Variants in PLD3 observed in about 807,000 individuals in gnomAD.
PLD3 encodes the protein 5'-3' exonuclease PLD3.
A neutral mutation model predicts 58.4 loss-of-function variants in PLD3; 31 were observed. That is an observed-to-expected ratio of 0.53 (90% confidence interval 0.40 to 0.72). The LOEUF (loss-of-function observed/expected upper bound fraction) is 0.72. PLD3 is among the 30% of genes least tolerant of loss of function. The pLI, the probability that PLD3 is intolerant of heterozygous loss-of-function variation, is 0.00. For missense variants in PLD3, 595 were observed against 659.8 expected (o/e 0.90, Z 1.08); for synonymous variants, 264 against 273.4 (o/e 0.97, Z 0.34).
At position 40,378,284 on chromosome 19, in the gene PLD3, C is replaced by T. The variant is rs776382708; in HGVS notation, c.*111C>T. The T allele has an allele frequency of 1.3e-5, 13 of 987,492 alleles. No homozygotes were observed. In the East Asian group the frequency reaches 2.4e-4, roughly 18 times the overall value. The allele number at this position is 987,492 out of a possible 1,614,324, so 61.2% of individuals were successfully genotyped here. A position where few individuals can be genotyped will look rare whatever the true frequency, so the allele number is the denominator to read the frequency against. On this transcript the variant is annotated 3_prime_UTR_variant, in exon 13 of 13. Coordinates refer to ENST00000409735, the MANE Select transcript of PLD3 (RefSeq NM_012268.4). ...GCTTCTGTCTGCCCCATTGTGGCTC[C>T]TCAGGCTCTCTCCCCTGCTCTCCCA...
At chr19:40,357,137 A>G (rs1456268005) in intron 1 of PLD3, 2 of 152,240 alleles carry the variant, frequency 1.3e-5, no homozygotes, top group Non-Finnish European at 2.9e-5. Flanking sequence ...CAAAGAGGTC[A>G]GAAACAATTG....
intron 1 of PLD3, among the ~76,000 whole-genome samples, chr19:40,349,174 C>T (rs1195634391): frequency 6.6e-6 from 1 of 151,998 alleles, no homozygotes; most frequent in Non-Finnish European, 1.5e-5. Context: ...TTTATAAAAT[C>T]CTCATTTCTC....
At chr19:40,367,489 G>T in intron 5 of PLD3, 1 of 500,494 alleles carries the variant, frequency 2.0e-6, no homozygotes, top group South Asian at 3.4e-5. Flanking sequence ...GTTGAGGCGG[G>T]AGGATCGCTT....
chr19:40,374,350 CTCT>C (rs1220076457), intron 9 of PLD3, 128 bp from the exon 10 acceptor site: 1 of 929,532 alleles, frequency 1.1e-6, no homozygotes, highest in Admixed American at 2.2e-5. Context: ...GTGATTGACC[CTCT>C]TCTTCATGGA....
chr19:40,373,351 C>T (rs143302023), intron 9 of PLD3, among the ~76,000 whole-genome samples: 23 of 151,176 alleles, frequency 1.5e-4, no homozygotes, highest in East Asian at 4.0e-4. Context: ...CCAGGATGGG[C>T]GGATCACTTG....
At chr19:40,349,031 CTTG>C (rs1191525025) in intron 1 of PLD3, among the ~76,000 whole-genome samples, 2 of 152,036 alleles carry the variant, frequency 1.3e-5, no homozygotes, top group Non-Finnish European at 2.9e-5. Flanking sequence ...CACAACTCCT[CTTG>C]TTGTCATCAA....
In PLD3 at chr19:40,376,638, G is replaced by A. The variant is rs372475431; in HGVS notation, c.1049G>A (p.Arg350Gln). The change falls in exon 11 of 13, where the codon CGG becomes CAG. Residue 350 changes from arginine (R) to glutamine (Q), a missense_variant. Coordinates refer to ENST00000409735, the MANE Select transcript of PLD3 (RefSeq NM_012268.4). Reference sequence around the variant, plus strand: ...TGGCCTGCCATTGACGATGGGCTGCGGCGGGCCACCTACGAGCGTGGCGTC... The same window carrying A: ...TGGCCTGCCATTGACGATGGGCTGCAGCGGGCCACCTACGAGCGTGGCGTC... ...RFWPAIDDGLRRATYERGVKV... is the reference protein window; with the variant it reads ...RFWPAIDDGLQRATYERGVKV... 1.1e-5 allele frequency: 17 copies of A among 1,608,854 alleles called. No homozygotes were observed. The highest frequency in any genetic ancestry group is 2.2e-5 in the East Asian group (1 of 44,890).
chr19:40,351,058 C>T (rs911701123), intron 1 of PLD3, among the ~76,000 whole-genome samples: 2 of 151,050 alleles, frequency 1.3e-5, no homozygotes, highest in Non-Finnish European at 3.0e-5. Flanking sequence ...GGCAACATAG[C>T]GAAACCCCAT....
chr19:40,378,402 G>T lies in PLD3; in HGVS notation c.*229G>T. On this transcript the variant is annotated 3_prime_UTR_variant, in exon 13 of 13. Coordinates refer to ENST00000409735, the MANE Select transcript of PLD3 (RefSeq NM_012268.4). Reference sequence around the variant, plus strand: ...AGCCCCCAAAGAAATGGGGGTGCATGCTGGGCCTGGCCCCCTGGCCCACCC... The same window carrying T: ...AGCCCCCAAAGAAATGGGGGTGCATTCTGGGCCTGGCCCCCTGGCCCACCC... 1.6e-6 allele frequency: 1 copy of T among 634,758 alleles called. No individual in the cohort carries two copies. The highest frequency in any genetic ancestry group is 2.8e-6 in the Non-Finnish European group (1 of 352,714). The allele number at this position is 634,758 out of a possible 1,614,324, so 39.3% of individuals were successfully genotyped here. A position where few individuals can be genotyped will look rare whatever the true frequency, so the allele number is the denominator to read the frequency against.
At position 40,376,742 on chromosome 19, in the gene PLD3, C is replaced by T. The variant is rs779078432; in HGVS notation, c.1153C>T (p.Arg385Cys). 8.1e-6 allele frequency: 13 copies of T among 1,600,740 alleles called. No homozygotes were observed. Among genetic ancestry groups the T allele is most frequent in the Admixed American group, 5.0e-5 (3 of 59,992 alleles). The change falls in exon 11 of 13, where the codon CGT becomes TGT. Residue 385 changes from arginine to cysteine, a missense_variant. Arg to Cys is a radical substitution (Grantham distance 180, BLOSUM62 -3). Transcript: ENST00000409735. ...CTTCCTGCTCTCTCTGGCTGCCCTGCGTGACAACCATACCCACTCTGACAT... is the reference window on the plus strand; with the variant it reads ...CTTCCTGCTCTCTCTGGCTGCCCTGTGTGACAACCATACCCACTCTGACAT... ...RAFLLSLAAL[R>C]DNHTHSDIQV...
intron 10 of PLD3, among the ~76,000 whole-genome samples, chr19:40,375,537 C>G (rs537429800): frequency 6.6e-6 from 1 of 151,056 alleles, no homozygotes. Context: ...GTAGTCCCAG[C>G]TACTTGGGAG....
intron 1 of PLD3, among the ~76,000 whole-genome samples, chr19:40,351,235 C>CA (rs1466679007): frequency 1.7e-5 from 2 of 118,038 alleles, no homozygotes; most frequent in African/African-American, 2.6e-5. Context: ...TGTCTCAAAA[C>CA]AAAAAAACAA....
At chr19:40,360,420 T>C (rs981647251) in intron 1 of PLD3, 1 of 151,642 alleles carries the variant, frequency 6.6e-6, no homozygotes. Flanking sequence ...CGGGCTGCTG[T>C]AACAAATTGC....
chr19:40,371,757 G>A lies in PLD3; in HGVS notation c.763G>A (p.Gly255Ser), dbSNP rs768435608. The A allele has an allele frequency of 1.2e-6, 2 of 1,613,952 alleles. No individual in the cohort carries two copies. Among genetic ancestry groups the A allele is most frequent in the Non-Finnish European group, 1.7e-6 (2 of 1,179,948 alleles). Residue 255 changes from glycine to serine, a missense_variant, in exon 9 of 13, where the codon GGC becomes AGC. Transcript: ENST00000409735. ...TKIFEAYWFL[G>S]QAGSSIPSTW... ...GATCTTTGAGGCCTACTGGTTCCTG[G>A]GCCAGGCAGGCAGCTCCATCCCATC...
At chr19:40,363,814 G>A (rs1020515395) in intron 1 of PLD3, among the ~76,000 whole-genome samples, 1 of 152,136 alleles carries the variant, frequency 6.6e-6, no homozygotes, top group African/African-American at 2.4e-5. Context: ...GCCAGTCTGG[G>A]ATCTGACATT....
rs180725878 is a variant in PLD3, at chr19:40,354,846, T to G, written c.-279+6078T>G. Among the ~76,000 whole-genome samples the G allele has an allele frequency of 1.5e-4, 23 of 148,544 alleles. No homozygotes were observed. In the East Asian group the frequency reaches 1.6e-3, roughly 11 times the overall value. ...CGGCTGTGTTATTTTTGTTTTTGTG[T>G]TGTTGTTTTGAGACTGAGTCTCACT... On this transcript the variant is annotated intron_variant, in intron 1 of 12. Coordinates refer to ENST00000409735, the MANE Select transcript of PLD3 (RefSeq NM_012268.4).
At chr19:40,373,725 G>A (rs1039961659) in intron 9 of PLD3, among the ~76,000 whole-genome samples, 7 of 152,022 alleles carry the variant, frequency 4.6e-5, no homozygotes, top group African/African-American at 1.7e-4. Flanking sequence ...AGTGGCTCAC[G>A]CCTGTAATCC....
At position 40,378,168 on chromosome 19, in the gene PLD3, C is replaced by G. The variant is rs201079979; in HGVS notation, c.1468C>G (p.Leu490Val). ...CAGCGTGGGCAACGCCTGCCGCCTG[C>G]TCTGAGGCCCGATCCAGTGGGCAGG... ...ADSVGNACRL[L>V] is the part of the protein sequence containing the mutation. Residue 490 changes from leucine to valine, a missense_variant, in exon 13 of 13, where the codon CTC becomes GTC. Leu to Val is a conservative substitution (Grantham distance 32). Transcript: ENST00000409735. 5.7e-5 allele frequency: 92 copies of G among 1,606,908 alleles called. No homozygotes were observed. In the Admixed American group the frequency reaches 1.5e-3, roughly 26 times the overall value.
intron 1 of PLD3, 67 bp downstream of exon 1, chr19:40,348,835 CATGGAATATAATATATATTAT>C (rs935726810): frequency 6.9e-5 from 13 of 187,252 alleles, no homozygotes; most frequent in East Asian, 1.3e-4. Context: ...CGCTATAATG[CATGGAATATAATATATATTAT>C]ATGGAATATA....
Sources: gnomAD v4.1 joint callset for allele counts (sites outside exome capture counted in the v4.1 genomes callset) on GRCh38, gnomAD v4.1.1 for gene constraint, MANE v1.5 for transcripts, NCBI Gene and HGNC (gene_info 2026-07-23, HGNC 2026-07-21) for gene names.